FKBP4: variants seen among roughly 807,000 people sequenced by gnomAD.
FKBP4 encodes peptidyl-prolyl cis-trans isomerase FKBP4.
FKBP4 carries 28 observed loss-of-function variants against 54.1 expected under a neutral mutation model. The ratio of observed to expected loss-of-function variants is 0.52; its 90% CI spans 0.38 to 0.71. The LOEUF (loss-of-function observed/expected upper bound fraction) is 0.71. Among genes scored for constraint, FKBP4 ranks in the 30% least tolerant of loss-of-function variants. The pLI is 0.00. For missense variants in FKBP4, 493 were observed against 574.4 expected (o/e 0.86, Z 1.45); for synonymous variants, 223 against 216.1 (o/e 1.03, Z -0.28).
chr12:2,805,187 G>A lies in FKBP4; in HGVS notation c.*1929G>A. 1 of 456,024 alleles carries A rather than the reference G, an allele frequency of 2.2e-6. No homozygotes were observed. The highest frequency in any genetic ancestry group is 1.5e-5 in the South Asian group (1 of 64,556). The allele number at this position is 456,024 out of a possible 1,614,324, so 28.2% of individuals were successfully genotyped here. On this transcript the variant is annotated 3_prime_UTR_variant, in exon 10 of 10. Coordinates refer to ENST00000001008, the MANE Select transcript of FKBP4 (RefSeq NM_002014.4). ...TTACAGATAAGAAAACCAAGACTCA[G>A]AAGTTAAATGGAAAGGTGAGGTCTC...
intron 9 of FKBP4, among the ~76,000 whole-genome samples, chr12:2,802,667 C>G (rs377647121): frequency 1.1e-4 from 16 of 152,362 alleles, no homozygotes; most frequent in African/African-American, 3.8e-4. Context: ...GACAGTGCTG[C>G]TTAGAACAGC....
intron 5 of FKBP4, 94 bp from the exon 6 acceptor site, chr12:2,799,756 G>A (rs2097903728): frequency 9.5e-7 from 1 of 1,057,126 alleles, no homozygotes; most frequent in African/African-American, 1.6e-5. Flanking sequence ...CAAGGGATGG[G>A]AAGGTACTTT....
rs368886036 is a variant in FKBP4, at chr12:2,800,373, A to G, written c.847-19A>G. The G allele has an allele frequency of 1.1e-4, 182 of 1,597,934 alleles. No homozygotes were observed. Among genetic ancestry groups the G allele is most frequent in the Middle Eastern group, 1.7e-4 (1 of 5,984 alleles). On this transcript the variant is annotated intron_variant, in intron 7 of 9. Coordinates refer to ENST00000001008, the MANE Select transcript of FKBP4 (RefSeq NM_002014.4). ...CCACTGAAACTGTGCCAGGTGCCTG[A>G]GCCTCTCTCCCATTCCAGGAAGGTA...
In FKBP4 at chr12:2,803,858, C is replaced by T. The variant is rs1420777864; in HGVS notation, c.*600C>T. On this transcript the variant is annotated 3_prime_UTR_variant, in exon 10 of 10. Coordinates refer to ENST00000001008, the MANE Select transcript of FKBP4 (RefSeq NM_002014.4). ...TCTCGGCCAGGTTGTGTCCCAAAAT[C>T]CCCTCAGCCTCTTCTCTGCACGTTG... 1 of 153,486 alleles carries T rather than the reference C, an allele frequency of 6.5e-6. No individual in the cohort carries two copies. Among genetic ancestry groups the T allele is most frequent in the South Asian group, 2.1e-4 (1 of 4,868 alleles). The allele number at this position is 153,486 out of a possible 1,614,324, so 9.5% of individuals were successfully genotyped here.
At chr12:2,803,076 G>T (rs2097905730) in intron 9 of FKBP4, 75 bp from the exon 10 acceptor site, 1 of 1,080,920 alleles carries the variant, frequency 9.3e-7, no homozygotes, top group South Asian at 1.4e-5. Context: ...GTGTATCTGT[G>T]TAATTCTGCT....
intron 9 of FKBP4, among the ~76,000 whole-genome samples, chr12:2,802,511 T>C (rs1340312537): frequency 1.3e-5 from 2 of 152,216 alleles, no homozygotes; most frequent in African/African-American, 4.8e-5. Context: ...AATTTTCTGG[T>C]AACCATGTTA....
chr12:2,796,010 C>T (rs1250201337), intron 1 of FKBP4: 2 of 1,154,638 alleles, frequency 1.7e-6, no homozygotes, highest in Non-Finnish European at 2.2e-6. Context: ...AGCCTGCCGC[C>T]GAGTGACCGC....
chr12:2,797,346 A>G (rs906681408), intron 2 of FKBP4, 64 bp downstream of exon 2: 20 of 1,591,840 alleles, frequency 1.3e-5, no homozygotes, highest in Middle Eastern at 1.7e-4. Context: ...ACAAGCAGAA[A>G]CCATTTTCTC....
rs550202773 is a variant in FKBP4, at chr12:2,801,532, C to T, written c.1272+176C>T. The T allele has an allele frequency of 1.5e-4, 134 of 873,234 alleles. 1 individual carries two copies. Among genetic ancestry groups the T allele is most frequent in the African/African-American group, 5.5e-4 (33 of 60,126 alleles). 54.1% of individuals were successfully genotyped at this position (873,234 alleles called of 1,614,324 possible). A position where few individuals can be genotyped will look rare whatever the true frequency, so the allele number is the denominator to read the frequency against. ...TGGGGCCAGTGTTCTGTGATCAGTGCGGGAAACCTACCCACAAGCCCCAGA... is the reference window on the plus strand; with the variant it reads ...TGGGGCCAGTGTTCTGTGATCAGTGTGGGAAACCTACCCACAAGCCCCAGA... On this transcript the variant is annotated intron_variant, in intron 9 of 9. Coordinates refer to ENST00000001008, the MANE Select transcript of FKBP4 (RefSeq NM_002014.4).
At position 2,798,812 on chromosome 12, in the gene FKBP4, G is replaced by T. The variant is rs200798844; in HGVS notation, c.500G>T (p.Gly167Val). The T allele has an allele frequency of 8.3e-5, 134 of 1,614,032 alleles. No homozygotes were observed. Among genetic ancestry groups the T allele is most frequent in the South Asian group, 1.1e-5 (1 of 91,082 alleles). ...GAAGGCTATGCTAAGCCCAATGAGG[G>T]TGCTATCGTGGAGGGTGAGACAGTA... ...RGEGYAKPNE[G>V]AIVEVALEGY... Residue 167 changes from glycine to valine, a missense_variant, in exon 4 of 10, where the codon GGT (glycine) becomes GTT (valine). By Grantham distance (109) the Gly-to-Val change is moderately radical (BLOSUM62 -3). Transcript: ENST00000001008. The surrounding 1 kb of genome is among the most constrained non-coding windows in gnomAD (Gnocchi z 4.3).
intron 9 of FKBP4, chr12:2,801,726 C>T (rs540600623): frequency 8.0e-6 from 3 of 374,788 alleles, no homozygotes; most frequent in Admixed American, 3.7e-5. Context: ...TGCACCCCAG[C>T]CTGAGTGACA....
Position 2,799,149 on chromosome 12 carries a change from T to G in FKBP4, c.576T>G (p.Ile192Met). 1 of 1,589,750 alleles carries G rather than the reference T, an allele frequency of 6.3e-7. No homozygotes were observed. Among genetic ancestry groups the G allele is most frequent in the Non-Finnish European group, 8.5e-7 (1 of 1,170,642 alleles). Reference protein sequence around the residue: ...LFDQRELRFEIGEGENLDLPY... With the variant: ...LFDQRELRFEMGEGENLDLPY... ...ACCAGCGGGAGCTCCGCTTTGAGAT[T>G]GGCGAGGGGGAGAACCTGGATCTGC... The change falls in exon 5 of 10, where the codon ATT becomes ATG. Residue 192 changes from isoleucine (I) to methionine (M), a missense_variant. Transcript: ENST00000001008.
At chr12:2,797,435 T>C (rs889062630) in intron 2 of FKBP4, among the ~76,000 whole-genome samples, 153 bp downstream of exon 2, 2 of 151,836 alleles carry the variant, frequency 1.3e-5, no homozygotes, top group African/African-American at 4.8e-5. Flanking sequence ...TTTCTACCGT[T>C]CTGTAACTAT....
intron 9 of FKBP4, among the ~76,000 whole-genome samples, chr12:2,802,657 GACAGTGCTGCTTAGA>G (rs1455151135): frequency 6.6e-6 from 1 of 152,218 alleles, no homozygotes; most frequent in Non-Finnish European, 1.5e-5. Flanking sequence ...TACCATACGG[GACAGTGCTGCTTAGA>G]ACAGCATTGC....
intron 9 of FKBP4, chr12:2,801,939 C>CT (rs2097905035): frequency 7.0e-6 from 1 of 143,486 alleles, no homozygotes; most frequent in East Asian, 1.9e-4. Context: ...TGCTTCCTCC[C>CT]TTTCCCCTAA....
At position 2,800,414 on chromosome 12, in the gene FKBP4, T is replaced by A; in HGVS notation, c.869T>A (p.Leu290Ter). ...YFKEGKYKQA[L>*]LQYKKIVSWL... ...CAGGAAGGTAAATACAAGCAAGCTT[T>A]ACTACAGTATAAGAAGATCGTGTCT... Residue 290 changes from leucine to a stop codon, truncating the protein, a stop_gained, in exon 8 of 10, where the codon TTA (leucine) becomes TAA (stop). Coordinates refer to ENST00000001008, the MANE Select transcript of FKBP4 (RefSeq NM_002014.4). LOFTEE classifies it high-confidence loss of function. 2.5e-6 allele frequency: 4 copies of A among 1,612,982 alleles called. No homozygotes were observed. Among genetic ancestry groups the A allele is most frequent in the Non-Finnish European group, 3.4e-6 (4 of 1,179,394 alleles).
chr12:2,799,989 C>T (rs923818781), intron 6 of FKBP4, 49 bp downstream of exon 6: 10 of 1,612,766 alleles, frequency 6.2e-6, no homozygotes, highest in African/African-American at 4.0e-5. Context: ...CCACCCTGTA[C>T]GTGACTCTGG....
chr12:2,796,199 C>T (rs2097901747), intron 1 of FKBP4: 2 of 1,286,786 alleles, frequency 1.6e-6, no homozygotes, highest in Non-Finnish European at 2.0e-6. Context: ...CGCTGAGCTC[C>T]GCGTGTGCGG....
intron 8 of FKBP4, among the ~76,000 whole-genome samples, 189 bp downstream of exon 8, chr12:2,800,766 C>T (rs2097904290): frequency 6.6e-6 from 1 of 152,188 alleles, no homozygotes; most frequent in Admixed American, 6.5e-5. Flanking sequence ...TGGTGGGAAG[C>T]AGTTGGCAAG....
Sources: allele counts gnomAD v4.1 joint callset (sites outside exome capture counted in the v4.1 genomes callset), GRCh38; gene constraint gnomAD v4.1.1; non-coding constraint Gnocchi (gnomAD v3.1); transcripts MANE v1.5; gene names NCBI Gene and HGNC (gene_info 2026-07-23, HGNC 2026-07-21).